The following SORL1 variants were observed in gnomAD, a reference collection of about 807,000 sequenced individuals.
The protein encoded by SORL1 is sortilin related receptor 1.
SORL1 carries 127 observed loss-of-function variants against 273.7 expected under a neutral mutation model. The ratio of observed to expected loss-of-function variants is 0.46; its 90% CI spans 0.40 to 0.54. The LOEUF (loss-of-function observed/expected upper bound fraction) is 0.54, where lower values mean the gene tolerates loss of function less well. Ranked by LOEUF, SORL1 falls within the 20% of genes least tolerant of loss-of-function variation. The pLI, the probability that SORL1 is intolerant of heterozygous loss-of-function variation, is 0.00. For synonymous variants in SORL1, 1,031 were observed against 1,067.4 expected, an observed-to-expected ratio of 0.97 and a Z score of 0.66; for missense variants, 2,494 against 2,846.1, an observed-to-expected ratio of 0.88 and a Z score of 2.81.
chr11:121,466,046 T>A (rs958476438), intron 1 of SORL1, among the ~76,000 whole-genome samples: 5 of 152,234 alleles, frequency 3.3e-5, no homozygotes, highest in African/African-American at 1.2e-4. Flanking sequence ...ATGCAGTTTC[T>A]GTGTTCAGAG....
At chr11:121,468,328 T>G (rs1861117445) in intron 1 of SORL1, among the ~76,000 whole-genome samples, 1 of 152,120 alleles carries the variant, frequency 6.6e-6, no homozygotes, top group African/African-American at 2.4e-5. Flanking sequence ...AGGAGGCTGG[T>G]GGAATAGGCT....
chr11:121,555,231 T>C lies in SORL1; in HGVS notation c.2484T>C (p.Asn828=). 1 of 1,614,078 alleles carries C rather than the reference T, an allele frequency of 6.2e-7. No homozygotes were observed. Among genetic ancestry groups the C allele is most frequent in the Non-Finnish European group, 8.5e-7 (1 of 1,179,928 alleles). ...GCACAGGGCAAGAGGTGATCATCAA[T>C]TCTGGCCTGGAGACAGTAGAAGCTT... The part of the protein sequence containing the change: ...NGSTGQEVII[N]SGLETVEALA... The change falls in exon 18 of 48, where the codon AAT becomes AAC. Residue 828 remains asparagine, a synonymous_variant. Transcript: ENST00000260197.
At chr11:121,462,984 CTG>C (rs756004961) in intron 1 of SORL1, among the ~76,000 whole-genome samples, 37 of 152,284 alleles carry the variant, frequency 2.4e-4, no homozygotes, top group Non-Finnish European at 4.4e-4. Flanking sequence ...GAGGGCAAGT[CTG>C]TGGTCTGGAA....
chr11:121,532,822 T>C (rs1862221162), intron 12 of SORL1, among the ~76,000 whole-genome samples: 1 of 152,008 alleles, frequency 6.6e-6, no homozygotes, highest in South Asian at 2.1e-4. Flanking sequence ...AGTCTGGGAT[T>C]ACAGGCACCT....
At chr11:121,570,574 A>C (rs531144016) in intron 23 of SORL1, among the ~76,000 whole-genome samples, 2 of 152,304 alleles carry the variant, frequency 1.3e-5, no homozygotes, top group African/African-American at 4.8e-5. Context: ...CTGGGCTCTA[A>C]TCTTGGCTGT....
chr11:121,485,630 A>G (rs562818795), intron 3 of SORL1, among the ~76,000 whole-genome samples: 31 of 152,340 alleles, frequency 2.0e-4, no homozygotes, highest in African/African-American at 6.7e-4. Flanking sequence ...GGATTCTCCA[A>G]TGTGAGACTG....
intron 8 of SORL1, among the ~76,000 whole-genome samples, chr11:121,518,529 A>G (rs1245480580): frequency 6.6e-6 from 1 of 152,200 alleles, no homozygotes; most frequent in African/African-American, 2.4e-5. Flanking sequence ...AGATATCTAG[A>G]AGAAGCCCAT....
At chr11:121,587,848 T>G (rs936752209) in intron 27 of SORL1, among the ~76,000 whole-genome samples, 172 bp from the exon 28 acceptor site, 1 of 152,200 alleles carries the variant, frequency 6.6e-6, no homozygotes, top group Non-Finnish European at 1.5e-5. Context: ...ATGATGCACT[T>G]TATGTCAAAT....
intron 5 of SORL1, among the ~76,000 whole-genome samples, chr11:121,495,100 T>TC (rs370134521): frequency 2.8e-4 from 42 of 152,316 alleles, no homozygotes; most frequent in African/African-American, 9.6e-4. Flanking sequence ...CTTTGTTTTT[T>TC]CAAGACAGGG....
chr11:121,478,300 T>C (rs201103106), intron 3 of SORL1, 57 bp downstream of exon 3: 106 of 1,579,690 alleles, frequency 6.7e-5, no homozygotes, highest in Non-Finnish European at 8.7e-5. Context: ...TTTGGAAAGA[T>C]TGCCGCACTT....
In SORL1 at chr11:121,592,984, CATT is replaced by C. The variant is rs549753317; in HGVS notation, c.4369+1829_4369+1831del. Among the ~76,000 whole-genome samples, 78 of 152,294 alleles carry C rather than the reference CATT, an allele frequency of 5.1e-4. 1 individual carries two copies. The highest frequency in any genetic ancestry group is 1.8e-3 in the African/African-American group (74 of 41,572). On this transcript the variant is annotated intron_variant, in intron 31 of 47. Transcript: ENST00000260197. ...CGCAGTGCTGGGACAAATTTAAACTCATTGTTATCTGTAGCTCGTGGATCTTCT... is the reference window on the plus strand; with the variant it reads ...CGCAGTGCTGGGACAAATTTAAACTCGTTATCTGTAGCTCGTGGATCTTCT...
Position 121,559,574 on chromosome 11 carries a change from A to G in SORL1, c.2966A>G (p.Tyr989Cys). 1 of 1,614,180 alleles carries G rather than the reference A, an allele frequency of 6.2e-7. No homozygotes were observed. Among genetic ancestry groups the G allele is most frequent in the South Asian group, 1.1e-5 (1 of 91,084 alleles). ...CTCAGCATATTCCGAGCTTCCAAAT[A>G]CAGTGGGTCCCAGATGGAGATTCTG... ...SQLSIFRASK[Y>C]SGSQMEILAN... is the part of the protein sequence containing the mutation. The change falls in exon 21 of 48, where the codon TAC becomes TGC. Residue 989 changes from tyrosine to cysteine, a missense_variant. Tyr to Cys is a radical substitution (Grantham distance 194). Around this residue, in one of 3 missense-constraint regions of SORL1, gnomAD observed 1,609 missense variants for 1,816.4 expected, o/e 0.89. Transcript: ENST00000260197.
rs889518240 is a variant in SORL1 at position 121,631,405 on chromosome 11, A to G, written c.*1842A>G. The G allele has an allele frequency of 3.5e-4, 52 of 149,158 alleles. No individual in the cohort carries two copies. Among genetic ancestry groups the G allele is most frequent in the African/African-American group, 1.2e-3 (50 of 40,550 alleles). 9.2% of individuals were successfully genotyped at this position (149,158 alleles called of 1,614,324 possible). On this transcript the variant is annotated 3_prime_UTR_variant, in exon 48 of 48. Transcript: ENST00000260197. The stretch of plus-strand genomic sequence containing the variant: ...AAAGACTGGAATTTTTTTTGGCTTT[A>G]TCTTGTCTTACCGTAGAGATTTGTT...
At chr11:121,453,960 G>A (rs887876762) in intron 1 of SORL1, among the ~76,000 whole-genome samples, 3 of 152,238 alleles carry the variant, frequency 2.0e-5, no homozygotes, top group Non-Finnish European at 4.4e-5. Flanking sequence ...CTGGGTGGGA[G>A]CGTTGGATTT....
intron 23 of SORL1, among the ~76,000 whole-genome samples, chr11:121,573,459 A>C (rs1320492632): frequency 2.6e-5 from 4 of 152,154 alleles, no homozygotes; most frequent in African/African-American, 9.7e-5. Flanking sequence ...TAAAAATACA[A>C]AAATTAACTG....
Position 121,595,101 on chromosome 11 carries a change from T to C in SORL1, c.4370-522T>C, listed in dbSNP as rs1235041570. ...TCCAAATAACAACCCTCCATTCTTC[T>C]ATTGGGGTGACGTATGGGTTGGTTG... On this transcript the variant is annotated intron_variant, in intron 31 of 47. Coordinates refer to ENST00000260197, the MANE Select transcript of SORL1 (RefSeq NM_003105.6). The surrounding 1 kb of genome is among the most constrained non-coding windows in gnomAD (Gnocchi z 5.1). Among the ~76,000 whole-genome samples, 1 of 152,196 alleles carries C rather than the reference T, an allele frequency of 6.6e-6. No individual in the cohort carries two copies. Among genetic ancestry groups the C allele is most frequent in the African/African-American group, 2.4e-5 (1 of 41,444 alleles).
chr11:121,593,635 G>T (rs1863249356), intron 31 of SORL1, among the ~76,000 whole-genome samples: 2 of 149,066 alleles, frequency 1.3e-5, no homozygotes, highest in East Asian at 1.9e-4. Context: ...TGTTTGGGTG[G>T]AGTGCATCCT....
intron 1 of SORL1, among the ~76,000 whole-genome samples, chr11:121,459,254 C>T (rs1274605857): frequency 6.6e-6 from 1 of 152,252 alleles, no homozygotes; most frequent in African/African-American, 2.4e-5. Flanking sequence ...TGGCTCTTGG[C>T]TACTGTGTAG....
intron 24 of SORL1, 198 bp from the exon 25 acceptor site, chr11:121,577,083 C>A: frequency 9.0e-7 from 1 of 1,110,432 alleles, no homozygotes; most frequent in Non-Finnish European, 1.3e-6. Context: ...CTCAGCCCAC[C>A]TGTAACCCAT....
Sources: allele counts gnomAD v4.1 joint callset (sites outside exome capture counted in the v4.1 genomes callset), GRCh38; gene constraint gnomAD v4.1.1; regional missense constraint gnomAD v4.1.1; non-coding constraint Gnocchi (gnomAD v3.1); transcripts MANE v1.5; gene names NCBI Gene and HGNC (gene_info 2026-07-23, HGNC 2026-07-21).